Variants in CAST observed in about 807,000 individuals in gnomAD.
The protein encoded by CAST is calpastatin.
Under a neutral mutation model 119.6 loss-of-function variants are expected in CAST, and 76 were observed. The observed-to-expected ratio is 0.64, with a 90% CI of 0.53 to 0.77. The LOEUF is 0.77. Ranked by LOEUF, CAST falls within the 30% of genes least tolerant of loss-of-function variation. The pLI, the probability that CAST is intolerant of heterozygous loss-of-function variation, is 0.00. For synonymous variants in CAST, 319 were observed against 331.6 expected, an observed-to-expected ratio of 0.96 and a Z score of 0.41; for missense variants, 953 against 946.5, an observed-to-expected ratio of 1.01 and a Z score of -0.09.
the CAST span, among the ~76,000 whole-genome samples, chr5:96,129,421 C>T: frequency 6.6e-6 from 1 of 152,006 alleles, no homozygotes; most frequent in Non-Finnish European, 1.5e-5. Flanking sequence ...GAAGTCTTGT[C>T]CTGGAAGTCT....
intron 1 of CAST, among the ~76,000 whole-genome samples, chr5:96,665,417 AT>A (rs1342708863): frequency 6.6e-6 from 1 of 152,228 alleles, no homozygotes; most frequent in Admixed American, 6.5e-5. Context: ...GTATATTTAC[AT>A]TAACAGCACA....
At chr5:96,360,668 A>G in the CAST span, among the ~76,000 whole-genome samples, 1 of 152,314 alleles carries the variant, frequency 6.6e-6, no homozygotes, top group African/African-American at 2.4e-5. Flanking sequence ...GAGGCTGGAG[A>G]ACAGCAGAGA....
intron 1 of CAST, among the ~76,000 whole-genome samples, chr5:96,593,992 A>G (rs891281904): frequency 2.0e-5 from 3 of 152,252 alleles, no homozygotes; most frequent in Non-Finnish European, 2.9e-5. Context: ...ATAATTTGCA[A>G]TGCCAAAGAT....
At chr5:96,127,885 T>C in the CAST span, among the ~76,000 whole-genome samples, 1 of 152,102 alleles carries the variant, frequency 6.6e-6, no homozygotes, top group Non-Finnish European at 1.5e-5. Context: ...AATTATTGCA[T>C]GTGTGCCTCA....
the CAST span, among the ~76,000 whole-genome samples, chr5:96,072,875 A>T: frequency 6.6e-6 from 1 of 152,240 alleles, no homozygotes; most frequent in South Asian, 2.1e-4. Context: ...AAGCGATTCT[A>T]GTCAAAATCC....
At chr5:96,657,120 T>G (rs1322649096), upstream of CAST, among the ~76,000 whole-genome samples, 1 of 152,182 alleles carries the variant, frequency 6.6e-6, no homozygotes, top group Non-Finnish European at 1.5e-5. Flanking sequence ...TCAAGACTAT[T>G]TTATAATCAA....
At chr5:96,229,464 C>T in the CAST span, among the ~76,000 whole-genome samples, 863 of 152,104 alleles carry the variant, frequency 5.7e-3, 13 homozygotes, top group African/African-American at 0.02. Flanking sequence ...ATGGCAGTGG[C>T]AGCACCATAA....
chr5:96,680,354 C>CAAAAAAAAAAAA (rs71617135), intron 2 of CAST, among the ~76,000 whole-genome samples: 12 of 29,266 alleles, frequency 4.1e-4, no homozygotes, highest in African/African-American at 4.5e-4. Flanking sequence ...GACTCTGTCT[C>CAAAAAAAAAAAA]AAAAAAAAAA....
chr5:96,408,413 C>T, the CAST span: 2 of 870,130 alleles, frequency 2.3e-6, no homozygotes, highest in East Asian at 5.2e-5. Context: ...AAGGCTGCAT[C>T]TGCTATGACC....
chr5:96,223,707 G>A, the CAST span, among the ~76,000 whole-genome samples: 1 of 152,150 alleles, frequency 6.6e-6, no homozygotes, highest in Non-Finnish European at 1.5e-5. Flanking sequence ...CTAATACATG[G>A]CTGCAGGTGT....
At chr5:96,438,024 G>A in the CAST span, among the ~76,000 whole-genome samples, 2 of 152,000 alleles carry the variant, frequency 1.3e-5, no homozygotes, top group African/African-American at 2.4e-5. Context: ...TTCATACTTC[G>A]AAGGCAGATT....
chr5:96,208,180 TTC>T, the CAST span, among the ~76,000 whole-genome samples: 2 of 151,856 alleles, frequency 1.3e-5, no homozygotes, highest in African/African-American at 4.8e-5. Context: ...CCTTTGTCAT[TTC>T]TGATTGTGTT....
At chr5:96,746,182 G>A (rs1763715232) in intron 16 of CAST, among the ~76,000 whole-genome samples, 160 bp from the exon 17 acceptor site, 1 of 152,162 alleles carries the variant, frequency 6.6e-6, no homozygotes, top group South Asian at 2.1e-4. Flanking sequence ...TCTCACAGCT[G>A]CCCACCATCG....
the CAST span, among the ~76,000 whole-genome samples, chr5:96,441,672 A>C: frequency 6.6e-6 from 1 of 152,242 alleles, no homozygotes; most frequent in Non-Finnish European, 1.5e-5. Context: ...AGTATGATGG[A>C]AAAGTATAAA....
the CAST span, among the ~76,000 whole-genome samples, chr5:96,376,115 TC>T: frequency 6.6e-6 from 1 of 151,488 alleles, no homozygotes; most frequent in African/African-American, 2.4e-5. Context: ...TCATATTTTT[TC>T]TATATACATT....
At chr5:96,126,071 A>G in the CAST span, among the ~76,000 whole-genome samples, 2 of 152,156 alleles carry the variant, frequency 1.3e-5, no homozygotes, top group Admixed American at 1.3e-4. Flanking sequence ...TTCTCCATGA[A>G]GACCCTCTTT....
chr5:96,443,178 C>T, the CAST span, among the ~76,000 whole-genome samples: 1 of 152,184 alleles, frequency 6.6e-6, no homozygotes, highest in Non-Finnish European at 1.5e-5. Context: ...CTCATGCATA[C>T]ATCTGTAAGG....
chr5:96,695,794 A>G (rs774441430), intron 2 of CAST, 42 bp from the exon 3 acceptor site: 11 of 1,316,536 alleles, frequency 8.4e-6, no homozygotes, highest in Non-Finnish European at 1.2e-5. Flanking sequence ...TACATTGGTA[A>G]GGTGTTTTCC....
upstream of CAST, among the ~76,000 whole-genome samples, chr5:96,526,751 G>C (rs1466544685): frequency 1.3e-5 from 2 of 152,208 alleles, no homozygotes; most frequent in Non-Finnish European, 2.9e-5. Context: ...ACACTTGTAA[G>C]CCAAAGTGTC....
Sources: gnomAD v4.1 joint callset for allele counts (sites outside exome capture counted in the v4.1 genomes callset) on GRCh38, gnomAD v4.1.1 for gene constraint, MANE v1.5 for transcripts, NCBI Gene and HGNC (gene_info 2026-07-23, HGNC 2026-07-21) for gene names.